The following FAM107B variants were observed in gnomAD, a reference collection of about 807,000 sequenced individuals.
FAM107B encodes the protein family with sequence similarity 107 member B, also known as protein FAM107B.
A neutral mutation model predicts 31.5 loss-of-function variants in FAM107B; 21 were observed. The ratio of observed to expected loss-of-function variants is 0.67; its 90% CI spans 0.47 to 0.96. The LOEUF is 0.96. FAM107B is among the 40% of genes least tolerant of loss of function. FAM107B has a pLI of 0.00. For synonymous variants in FAM107B, 157 were observed against 141.5 expected, an observed-to-expected ratio of 1.11 and a Z score of -0.78; for missense variants, 452 against 377.1, an observed-to-expected ratio of 1.20 and a Z score of -1.64.
At chr10:14,556,442 C>G (rs909087743) in intron 2 of FAM107B, 1 of 983,950 alleles carries the variant, frequency 1.0e-6, no homozygotes, top group Non-Finnish European at 1.2e-6. Flanking sequence ...ACTCAGCATG[C>G]CAGAGAGCAG....
intron 2 of FAM107B, among the ~76,000 whole-genome samples, chr10:14,639,098 G>A (rs79068458): frequency 2.6e-5 from 4 of 152,230 alleles, no homozygotes; most frequent in South Asian, 2.1e-4. Context: ...GGGGGTTGAG[G>A]GGGGAGGATT....
At chr10:14,583,086 CAAAAAAAAAA>C (rs60205603) in intron 2 of FAM107B, among the ~76,000 whole-genome samples, 2 of 56,358 alleles carry the variant, frequency 3.5e-5, no homozygotes, top group Non-Finnish European at 7.6e-5. Context: ...GACTCTGTCT[CAAAAAAAAAA>C]AAAAAAAAGA....
intron 1 of FAM107B, among the ~76,000 whole-genome samples, chr10:14,736,376 T>C (rs1382643618): frequency 6.6e-6 from 1 of 152,224 alleles, no homozygotes; most frequent in Non-Finnish European, 1.5e-5. Context: ...CATCAACTTG[T>C]CAGCCTATTT....
At chr10:14,632,427 C>T (rs929235716) in intron 2 of FAM107B, among the ~76,000 whole-genome samples, 7 of 150,710 alleles carry the variant, frequency 4.6e-5, no homozygotes, top group African/African-American at 1.5e-4. Context: ...CTGATTAACA[C>T]GGTGAATCCC....
At chr10:14,700,528 A>T (rs1458655569) in intron 1 of FAM107B, among the ~76,000 whole-genome samples, 5 of 152,118 alleles carry the variant, frequency 3.3e-5, no homozygotes. Context: ...ATGCAATAAA[A>T]AGATCAATGT....
chr10:14,550,946 T>C (rs1279354540), intron 2 of FAM107B, among the ~76,000 whole-genome samples: 1 of 152,208 alleles, frequency 6.6e-6, no homozygotes, highest in Admixed American at 6.5e-5. Context: ...AAAATAATTA[T>C]GTAACAAGAA....
intron 2 of FAM107B, among the ~76,000 whole-genome samples, chr10:14,622,149 A>G (rs936539479): frequency 2.0e-5 from 3 of 152,122 alleles, no homozygotes; most frequent in Non-Finnish European, 2.9e-5. Flanking sequence ...CATGCATCCA[A>G]CGGGGGCCAG....
At chr10:14,560,234 T>C (rs537483646) in intron 2 of FAM107B, among the ~76,000 whole-genome samples, 1 of 152,210 alleles carries the variant, frequency 6.6e-6, no homozygotes, top group South Asian at 2.1e-4. Flanking sequence ...TTCTTTCCCA[T>C]TTGGAACAAG....
chr10:14,642,612 G>A lies in FAM107B; in HGVS notation c.469+25022C>T, dbSNP rs181779901. Among the ~76,000 whole-genome samples the A allele has an allele frequency of 1.3e-4, 18 of 141,106 alleles. No individual in the cohort carries two copies. In the East Asian group the frequency reaches 2.5e-3, roughly 20 times the overall value. 92.6% of individuals were successfully genotyped at this position (141,106 alleles called of 152,430 possible). A position where few individuals can be genotyped will look rare whatever the true frequency, so the allele number is the denominator to read the frequency against. On this transcript the variant is annotated intron_variant, in intron 2 of 4. Transcript: ENST00000181796. The stretch of plus-strand genomic sequence containing the variant: ...AAGTGATAGTTTGGCCATGACCTTG[G>A]TGTTTTTTTTGCAATATGGATAGAT...
rs181164446 is a variant in FAM107B, at chr10:14,769,575, G to C, written c.411+4678C>G. The stretch of plus-strand genomic sequence containing the variant: ...AATTTTTTGTATTTTTAGTAGAGAC[G>C]GGGTTTCACGATGTTGGCCAGGCTG... On this transcript the variant is annotated intron_variant, in intron 1 of 4. Coordinates refer to ENST00000181796, the MANE Select transcript of FAM107B (RefSeq NM_031453.4). Among the ~76,000 whole-genome samples the C allele has an allele frequency of 8.9e-4, 135 of 152,090 alleles. 1 individual carries two copies. Among genetic ancestry groups the C allele is most frequent in the South Asian group, 8.3e-3 (40 of 4,802 alleles).
intron 1 of FAM107B, among the ~76,000 whole-genome samples, chr10:14,751,014 C>T (rs144754179): frequency 1.5e-3 from 232 of 152,308 alleles, no homozygotes; most frequent in African/African-American, 5.5e-3. Flanking sequence ...CAGGAGCAGA[C>T]CTGCCCAAGG....
intron 1 of FAM107B, among the ~76,000 whole-genome samples, chr10:14,669,134 G>A (rs753280365): frequency 7.2e-5 from 11 of 152,080 alleles, no homozygotes; most frequent in Non-Finnish European, 8.8e-5. Flanking sequence ...TTGGGAGGCC[G>A]AGGCGGGTGG....
intron 2 of FAM107B, among the ~76,000 whole-genome samples, chr10:14,575,792 C>T (rs572645832): frequency 6.6e-6 from 1 of 152,304 alleles, no homozygotes; most frequent in East Asian, 1.9e-4. Context: ...ATCTACTTTA[C>T]GTTTTAAAAT....
rs188955492 is a variant in FAM107B at position 14,531,993 on chromosome 10, T to C, written c.470-1478A>G. ...CAAATAAATCTAACTGCGATTTCTCTAAGTTTTAGTGCTTGTTGTTTCACT... is the reference window on the plus strand; with the variant it reads ...CAAATAAATCTAACTGCGATTTCTCCAAGTTTTAGTGCTTGTTGTTTCACT... On this transcript the variant is annotated intron_variant, in intron 2 of 4. Coordinates refer to ENST00000181796, the MANE Select transcript of FAM107B (RefSeq NM_031453.4). Among the ~76,000 whole-genome samples, 3 of 152,376 alleles carry C rather than the reference T, an allele frequency of 2.0e-5. No individual in the cohort carries two copies. The East Asian group carries it at 5.8e-4, about 29-fold the overall frequency.
intron 1 of FAM107B, among the ~76,000 whole-genome samples, chr10:14,742,656 C>T (rs1010833558): frequency 6.6e-6 from 1 of 152,152 alleles, no homozygotes; most frequent in Non-Finnish European, 1.5e-5. Context: ...GGATTGCATG[C>T]ATTCAAAGAC....
chr10:14,740,940 C>A (rs945545639), intron 1 of FAM107B, among the ~76,000 whole-genome samples: 4 of 152,146 alleles, frequency 2.6e-5, no homozygotes, highest in East Asian at 1.9e-4. Flanking sequence ...CACTTGTGAT[C>A]AAAAATGTTC....
intron 2 of FAM107B, among the ~76,000 whole-genome samples, chr10:14,568,090 G>C: frequency 6.6e-6 from 1 of 152,202 alleles, no homozygotes; most frequent in East Asian, 1.9e-4. Flanking sequence ...AACGAATGAG[G>C]AGCTACGACC....
chr10:14,687,940 G>A (rs1354873038), intron 1 of FAM107B, among the ~76,000 whole-genome samples: 1 of 152,200 alleles, frequency 6.6e-6, no homozygotes, highest in Non-Finnish European at 1.5e-5. Context: ...ATTGAAGGAT[G>A]CAAAGTATTG....
chr10:14,523,848 A>T (rs2130777342), intron 3 of FAM107B, among the ~76,000 whole-genome samples: 1 of 152,032 alleles, frequency 6.6e-6, no homozygotes, highest in African/African-American at 2.4e-5. Context: ...TGTTTAGAGT[A>T]AAAATCGGTA....
Sources: allele counts gnomAD v4.1 joint callset (sites outside exome capture counted in the v4.1 genomes callset), GRCh38; gene constraint gnomAD v4.1.1; transcripts MANE v1.5; gene names NCBI Gene and HGNC (gene_info 2026-07-23, HGNC 2026-07-21).